Variants in ACYP2 observed in about 807,000 individuals in gnomAD.
ACYP2 encodes acylphosphatase-2.
Under a neutral mutation model 11.2 loss-of-function variants are expected in ACYP2, and 12 were observed. That is an observed-to-expected ratio of 1.08 (90% CI 0.69 to 1.74). The LOEUF (loss-of-function observed/expected upper bound fraction) is 1.74, where lower values mean the gene tolerates loss of function less well. Ranked by LOEUF, ACYP2 falls within the 40% of genes most tolerant of loss-of-function variation. ACYP2 has a pLI of 0.00. For synonymous variants in ACYP2, 43 were observed against 32.2 expected, an observed-to-expected ratio of 1.33 and a Z score of -1.13; for missense variants, 134 against 101.9, an observed-to-expected ratio of 1.31 and a Z score of -1.35.
chr2:53,978,293 A>G (rs983253618), intron 2 of ACYP2, among the ~76,000 whole-genome samples: 2 of 152,030 alleles, frequency 1.3e-5, no homozygotes, highest in African/African-American at 2.4e-5. Context: ...TTCTAATTCT[A>G]AAATATTATA....
At chr2:54,203,424 ACTT>A (rs1684938541) in intron 6 of ACYP2, among the ~76,000 whole-genome samples, 1 of 152,220 alleles carries the variant, frequency 6.6e-6, no homozygotes, top group East Asian at 1.9e-4. Context: ...AGATAGTTTT[ACTT>A]CTTCCTTTCT....
At chr2:54,273,377 C>T (rs1372286020) in intron 6 of ACYP2, among the ~76,000 whole-genome samples, 1 of 152,204 alleles carries the variant, frequency 6.6e-6, no homozygotes, top group African/African-American at 2.4e-5. Context: ...AGTTACACAG[C>T]CCCTAGAAGG....
At chr2:54,185,162 G>A (rs1312827016) in intron 6 of ACYP2, among the ~76,000 whole-genome samples, 1 of 152,172 alleles carries the variant, frequency 6.6e-6, no homozygotes, top group African/African-American at 2.4e-5. Flanking sequence ...ATTAATCCAA[G>A]CAAATAATCT....
At chr2:54,244,403 T>C (rs1032226821) in intron 6 of ACYP2, among the ~76,000 whole-genome samples, 14 of 152,152 alleles carry the variant, frequency 9.2e-5, no homozygotes, top group Non-Finnish European at 1.0e-4. Flanking sequence ...AGTTTCACCA[T>C]GTTGGCCAGG....
chr2:54,072,488 T>C (rs1677100687), intron 4 of ACYP2, among the ~76,000 whole-genome samples: 1 of 138,488 alleles, frequency 7.2e-6, no homozygotes, highest in Non-Finnish European at 1.6e-5. Context: ...TTCTTTCTTT[T>C]TTCTTTCTTT....
At chr2:54,286,592 G>C in intron 6 of ACYP2, among the ~76,000 whole-genome samples, 1 of 152,042 alleles carries the variant, frequency 6.6e-6, no homozygotes, top group Non-Finnish European at 1.5e-5. Flanking sequence ...AAAATTGGTA[G>C]AAAAGATGAT....
intron 4 of ACYP2, among the ~76,000 whole-genome samples, chr2:54,111,214 G>GT (rs1217276978): frequency 6.6e-6 from 1 of 152,224 alleles, no homozygotes; most frequent in African/African-American, 2.4e-5. Context: ...AGAATTCCAA[G>GT]TGGGGTGAAG....
intron 4 of ACYP2, among the ~76,000 whole-genome samples, chr2:54,063,860 G>T (rs12620667): frequency 6.6e-6 from 1 of 152,118 alleles, no homozygotes. Context: ...GGTGGTGAAA[G>T]GGGCATTCTA....
chr2:54,114,854 T>C (rs977851884), intron 4 of ACYP2, among the ~76,000 whole-genome samples: 2 of 152,242 alleles, frequency 1.3e-5, no homozygotes, highest in Non-Finnish European at 2.9e-5. Context: ...TCAGGCTCAA[T>C]TCCTTCCTGA....
intron 4 of ACYP2, among the ~76,000 whole-genome samples, chr2:54,090,112 T>G (rs1320255875): frequency 6.6e-6 from 1 of 150,622 alleles, no homozygotes; most frequent in Non-Finnish European, 1.5e-5. Flanking sequence ...ACCACTGCAC[T>G]CCAGCCTGAG....
intron 6 of ACYP2, chr2:54,254,893 T>C (rs1687418271): frequency 4.4e-6 from 7 of 1,593,720 alleles, no homozygotes; most frequent in Non-Finnish European, 6.0e-6. Context: ...GGCAACCTTC[T>C]GCAGGAGTAA....
At chr2:54,021,873 TAATA>T in intron 2 of ACYP2, among the ~76,000 whole-genome samples, 1 of 152,194 alleles carries the variant, frequency 6.6e-6, no homozygotes, top group East Asian at 1.9e-4. Context: ...GGGCAACTCT[TAATA>T]AATAGTGAGA....
At position 54,143,740 on chromosome 2, in the gene ACYP2, T is replaced by G. The variant is rs987483181; in HGVS notation, c.404+4992T>G. Among the ~76,000 whole-genome samples, 754 of 114,740 alleles carry G rather than the reference T, an allele frequency of 6.6e-3. 1 individual carries two copies. The highest frequency in any genetic ancestry group is 8.8e-3 in the Non-Finnish European group (510 of 58,150). The allele number at this position is 114,740 out of a possible 152,430, so 75.3% of individuals were successfully genotyped here. ...AGCCACCATACCCAGCCGGTTTTTT[T>G]TTTTTTTTTTTTTTTTTGGGGGGGG... On this transcript the variant is annotated intron_variant, in intron 6 of 6. Transcript: ENST00000607452.
intron 4 of ACYP2, among the ~76,000 whole-genome samples, chr2:54,076,527 A>G (rs763772097): frequency 2.0e-4 from 31 of 152,208 alleles, no homozygotes; most frequent in African/African-American, 7.0e-4. Flanking sequence ...TAATGTACTA[A>G]AAACATCAAA....
rs189799364 is a variant in ACYP2 at position 54,186,563 on chromosome 2, G to T, written c.404+47815G>T. 2.0e-5 allele frequency among the ~76,000 whole-genome samples: 3 copies of T among 152,232 alleles called. No individual in the cohort carries two copies. In the East Asian group the frequency reaches 5.8e-4, roughly 29 times the overall value. On this transcript the variant is annotated intron_variant, in intron 6 of 6. Transcript: ENST00000607452. ...AGTTTCGCTCTTGTTGCCCAGGCTG[G>T]AGTACAATGGCGTGGTCTCAGCTCA...
chr2:54,035,336 G>A (rs186008715), intron 2 of ACYP2, among the ~76,000 whole-genome samples: 4 of 150,076 alleles, frequency 2.7e-5, no homozygotes, highest in Non-Finnish European at 5.9e-5. Context: ...TGCGATCTCG[G>A]CGCACTGCAA....
intron 5 of ACYP2, among the ~76,000 whole-genome samples, chr2:54,135,692 C>T (rs1229807349): frequency 6.6e-6 from 1 of 152,042 alleles, no homozygotes; most frequent in African/African-American, 2.4e-5. Flanking sequence ...TTTCTATATT[C>T]AAAAGTACCT....
At chr2:54,016,931 T>C (rs1208085043) in intron 2 of ACYP2, among the ~76,000 whole-genome samples, 1 of 152,046 alleles carries the variant, frequency 6.6e-6, no homozygotes, top group Non-Finnish European at 1.5e-5. Context: ...TTCACCGTGT[T>C]AGCCAGGATG....
chr2:54,101,554 A>G (rs557813656), intron 4 of ACYP2, among the ~76,000 whole-genome samples: 1 of 151,998 alleles, frequency 6.6e-6, no homozygotes, highest in African/African-American at 2.4e-5. Flanking sequence ...CTGTAATCCA[A>G]TTCCAGCTAC....
Sources: allele counts gnomAD v4.1 joint callset (sites outside exome capture counted in the v4.1 genomes callset), GRCh38; gene constraint gnomAD v4.1.1; transcripts MANE v1.5; gene names NCBI Gene and HGNC (gene_info 2026-07-23, HGNC 2026-07-21).